SVEP1: variants seen among roughly 807,000 people sequenced by gnomAD.
The protein encoded by SVEP1 is sushi, von Willebrand factor type A, EGF and pentraxin domain containing 1, also known as sushi, von Willebrand factor type A, EGF and pentraxin domain-containing protein 1.
In SVEP1, 164 loss-of-function variants were observed where a neutral mutation model predicts 367.3. That is an observed-to-expected ratio of 0.45 (90% CI 0.39 to 0.51). The LOEUF (loss-of-function observed/expected upper bound fraction) is 0.51, where lower values mean the gene tolerates loss of function less well. SVEP1 is among the 20% of genes least tolerant of loss of function. SVEP1 has a pLI of 0.00. For synonymous variants in SVEP1, 1,666 were observed against 1,611.6 expected (o/e 1.03, Z -0.81); for missense variants, 4,117 against 4,425.3 (o/e 0.93, Z 1.98).
chr9:110,534,399 GCAC>G (rs1262302690), intron 3 of SVEP1, among the ~76,000 whole-genome samples: 7 of 152,104 alleles, frequency 4.6e-5, no homozygotes, highest in Non-Finnish European at 1.0e-4. Flanking sequence ...TGGTGTACAT[GCAC>G]CACATTTTCT....
At chr9:110,550,131 T>G in intron 1 of SVEP1, 27 bp from the exon 2 acceptor site, 1 of 1,613,014 alleles carries the variant, frequency 6.2e-7, no homozygotes, top group South Asian at 1.1e-5. Context: ...AAAGTTAATA[T>G]GAGTGTGTAC....
At chr9:110,442,072 A>T (rs1828516978) in intron 27 of SVEP1, among the ~76,000 whole-genome samples, 1 of 152,216 alleles carries the variant, frequency 6.6e-6, no homozygotes, top group Non-Finnish European at 1.5e-5. Flanking sequence ...TCACTAAATT[A>T]GTGCCTGATC....
Position 110,406,696 on chromosome 9 carries a change from C to G in SVEP1, c.8904G>C (p.Gly2968=), listed in dbSNP as rs770983477. The G allele has an allele frequency of 5.0e-6, 8 of 1,613,806 alleles. No individual in the cohort carries two copies. The highest frequency in any genetic ancestry group is 2.7e-5 in the African/African-American group (2 of 74,884). Reference sequence around the variant, plus strand: ...GAAAGCACTGATACTGTATATGGCCCCCATGAATAAAGGAAAAACCATTAG... The same window carrying G: ...GAAAGCACTGATACTGTATATGGCCGCCATGAATAAAGGAAAAACCATTAG... The part of the protein sequence containing the change: ...GFPNGFSFIH[G]GHIQYQCFPG... The change falls in exon 38 of 48, where the codon GGG becomes GGC. Residue 2968 remains glycine, a synonymous_variant. Coordinates refer to ENST00000374469, the MANE Select transcript of SVEP1 (RefSeq NM_153366.4).
Position 110,447,020 on chromosome 9 carries a change from C to T in SVEP1, c.4141G>A (p.Glu1381Lys). 1.9e-6 allele frequency: 3 copies of T among 1,540,618 alleles called. No homozygotes were observed. In the South Asian group the frequency reaches 3.7e-5, roughly 19 times the overall value. The change falls in exon 25 of 48, where the codon GAA becomes AAA. Residue 1381 changes from glutamate (E) to lysine (K), a missense_variant. Physicochemically the swap from Glu to Lys is moderately conservative, Grantham distance 56. Transcript: ENST00000374469. ...CAAGFTGSHC[E>K]LNINECQSNP... ...GACTGACATTCATTGATGTTCAATT[C>T]ACAGTGTGATCCTGTGAAGCCAGCT...
At chr9:110,456,861 T>C (rs1828783859) in intron 21 of SVEP1, among the ~76,000 whole-genome samples, 1 of 152,190 alleles carries the variant, frequency 6.6e-6, no homozygotes. Flanking sequence ...TCATAAGAAC[T>C]TCTATTAGTG....
At chr9:110,374,331 T>G (rs1285975831) in intron 46 of SVEP1, among the ~76,000 whole-genome samples, 1 of 152,184 alleles carries the variant, frequency 6.6e-6, no homozygotes, top group African/African-American at 2.4e-5. Context: ...CGTTCTTTTT[T>G]ATGGCTGCAG....
chr9:110,550,162 T>A, intron 1 of SVEP1, 58 bp from the exon 2 acceptor site: 2 of 1,595,030 alleles, frequency 1.3e-6, no homozygotes, highest in Non-Finnish European at 1.7e-6. Context: ...ACTGTGTGCT[T>A]CTCTTCTTAC....
Position 110,472,173 on chromosome 9 carries a change from A to G in SVEP1, c.2750T>C (p.Ile917Thr), listed in dbSNP as rs748970907. 1.2e-6 allele frequency: 2 copies of G among 1,611,082 alleles called. No individual in the cohort carries two copies. The highest frequency in any genetic ancestry group is 2.2e-5 in the South Asian group (2 of 90,162). Residue 917 changes from isoleucine (I) to threonine (T), a missense_variant, in exon 15 of 48, where the codon ATT becomes ACT. Coordinates refer to ENST00000374469, the MANE Select transcript of SVEP1 (RefSeq NM_153366.4). ...TTTATCCTTACCTGTGATGTTAAAA[A>G]TTAACTTAATTTTATAGTCAGATAA... ...APLSDYKIKLIFNITASVPLP... is the reference protein window; with the variant it reads ...APLSDYKIKLTFNITASVPLP...
chr9:110,465,560 T>C (rs1250100738), intron 18 of SVEP1, among the ~76,000 whole-genome samples: 1 of 152,184 alleles, frequency 6.6e-6, no homozygotes, highest in East Asian at 1.9e-4. Flanking sequence ...ATGAAGTTCC[T>C]AGTTTAGATA....
At chr9:110,541,139 T>C (rs1005379860) in intron 3 of SVEP1, among the ~76,000 whole-genome samples, 5 of 152,176 alleles carry the variant, frequency 3.3e-5, no homozygotes, top group Admixed American at 1.3e-4. Context: ...TCCGAACGAA[T>C]GATGAGGAAA....
intron 5 of SVEP1, among the ~76,000 whole-genome samples, chr9:110,511,836 C>T (rs1172356826): frequency 1.3e-5 from 2 of 151,910 alleles, no homozygotes; most frequent in Non-Finnish European, 2.9e-5. Context: ...GATATGGATG[C>T]CAAGAAAAGA....
chr9:110,375,636 T>C (rs574320247), intron 45 of SVEP1, among the ~76,000 whole-genome samples, 173 bp from the exon 46 acceptor site: 2 of 152,294 alleles, frequency 1.3e-5, no homozygotes, highest in South Asian at 2.1e-4. Context: ...ATGAGTATCA[T>C]TGGGAAAATA....
At chr9:110,486,107 C>CA (rs148835636) in intron 9 of SVEP1, among the ~76,000 whole-genome samples, 4,284 of 152,250 alleles carry the variant, frequency 0.028, 192 homozygotes, top group African/African-American at 0.098. Flanking sequence ...AACAGGTGCT[C>CA]AAACAAGTTG....
chr9:110,528,265 A>G (rs1278615726), intron 3 of SVEP1, among the ~76,000 whole-genome samples: 1 of 148,664 alleles, frequency 6.7e-6, no homozygotes, highest in Non-Finnish European at 1.5e-5. Context: ...GAATTGTGCT[A>G]TGATAAACAC....
intron 42 of SVEP1, 52 bp downstream of exon 42, chr9:110,387,233 G>A: frequency 2.0e-6 from 3 of 1,508,044 alleles, no homozygotes; most frequent in Non-Finnish European, 2.7e-6. Flanking sequence ...TATGCGGGAA[G>A]CTAATCGTGA....
chr9:110,416,058 A>T (rs1381398529), intron 36 of SVEP1, among the ~76,000 whole-genome samples: 6 of 151,972 alleles, frequency 3.9e-5, no homozygotes, highest in Admixed American at 3.9e-4. Context: ...TAGAAAAAAA[A>T]TCTACATACT....
intron 3 of SVEP1, among the ~76,000 whole-genome samples, chr9:110,525,263 T>C (rs185491094): frequency 1.3e-5 from 2 of 152,262 alleles, no homozygotes; most frequent in East Asian, 3.9e-4. Flanking sequence ...TAAGCAAAGT[T>C]GCAGGACACA....
chr9:110,554,427 G>C (rs975662711), intron 1 of SVEP1, among the ~76,000 whole-genome samples: 12 of 152,084 alleles, frequency 7.9e-5, no homozygotes, highest in Admixed American at 2.6e-4. Context: ...CATCTCTAAA[G>C]CCCCCTACTG....
intron 39 of SVEP1, among the ~76,000 whole-genome samples, chr9:110,402,019 C>T (rs901320731): frequency 6.6e-6 from 1 of 151,882 alleles, no homozygotes; most frequent in Non-Finnish European, 1.5e-5. Flanking sequence ...TTTAATTTTT[C>T]AATATTGTAA....
Sources: allele counts gnomAD v4.1 joint callset (sites outside exome capture counted in the v4.1 genomes callset), GRCh38; gene constraint gnomAD v4.1.1; transcripts MANE v1.5; gene names NCBI Gene and HGNC (gene_info 2026-07-23, HGNC 2026-07-21).